Variants in MTCL1 observed in about 807,000 individuals in gnomAD.
MTCL1 encodes the protein microtubule cross-linking factor 1.
In MTCL1, 79 loss-of-function variants were observed where a neutral mutation model predicts 141.4. The observed-to-expected ratio is 0.56, with a 90% CI of 0.47 to 0.67. The LOEUF (loss-of-function observed/expected upper bound fraction) is 0.67. Ranked by LOEUF, MTCL1 falls within the 30% of genes least tolerant of loss-of-function variation. The probability of loss-of-function intolerance (pLI) is 0.00; values close to 1 mark genes in which losing one functional copy is unlikely to be tolerated. For synonymous variants in MTCL1, 914 were observed against 875.8 expected (o/e 1.04, Z -0.77); for missense variants, 2,177 against 2,113.9 (o/e 1.03, Z -0.59).
At chr18:8,732,288 T>TA (rs2096254734) in intron 4 of MTCL1, among the ~76,000 whole-genome samples, 1 of 151,990 alleles carries the variant, frequency 6.6e-6, no homozygotes, top group African/African-American at 2.4e-5. Context: ...TTTATTTATT[T>TA]TTTAGTAGAG....
intron 4 of MTCL1, among the ~76,000 whole-genome samples, chr18:8,758,329 A>C (rs1174572280): frequency 1.3e-5 from 2 of 151,872 alleles, no homozygotes; most frequent in Admixed American, 1.3e-4. Context: ...GGCCACACCC[A>C]CTCTTCTAAT....
chr18:8,811,312 G>T (rs1336240984), intron 11 of MTCL1: 3 of 152,138 alleles, frequency 2.0e-5, no homozygotes, highest in Non-Finnish European at 4.4e-5. Context: ...AATAATAGAG[G>T]GAGAGGTTAC....
intron 9 of MTCL1, 101 bp from the exon 9 acceptor site, chr18:8,797,996 A>T: frequency 8.3e-7 from 1 of 1,210,012 alleles, no homozygotes; most frequent in Non-Finnish European, 1.1e-6. Flanking sequence ...ATAGGCGTTG[A>T]TAATCCATAA....
At chr18:8,714,550 G>C (rs762705348), upstream of MTCL1, among the ~76,000 whole-genome samples, 1 of 152,160 alleles carries the variant, frequency 6.6e-6, no homozygotes, top group African/African-American at 2.4e-5. Flanking sequence ...CAAAGGAGGA[G>C]CAAAGACACA....
At chr18:8,707,824 T>A (rs1202124678) in intron 1 of MTCL1, among the ~76,000 whole-genome samples, 2 of 152,182 alleles carry the variant, frequency 1.3e-5, no homozygotes, top group Non-Finnish European at 2.9e-5. Flanking sequence ...TTAAGGTGCA[T>A]GGTGGTGAAG....
chr18:8,819,315 G>A (rs1286043720), intron 13 of MTCL1, 56 bp downstream of exon 12: 7 of 1,577,752 alleles, frequency 4.4e-6, no homozygotes, highest in Non-Finnish European at 6.0e-6. Flanking sequence ...GAGCCGTCAT[G>A]AAACCTAAGA....
intron 10 of MTCL1, among the ~76,000 whole-genome samples, chr18:8,806,515 T>G (rs1178311615): frequency 6.6e-6 from 1 of 152,154 alleles, no homozygotes; most frequent in African/African-American, 2.4e-5. Context: ...CAGCCCTGGC[T>G]TTGGGGTTCC....
At chr18:8,821,623 G>T in intron 14 of MTCL1, 125 bp downstream of exon 13, 2 of 522,334 alleles carry the variant, frequency 3.8e-6, no homozygotes, top group Non-Finnish European at 3.5e-6. Flanking sequence ...TGCCACTTCT[G>T]AAGAAGTGGC....
At chr18:8,759,574 G>A (rs1374838274) in intron 4 of MTCL1, among the ~76,000 whole-genome samples, 1 of 152,168 alleles carries the variant, frequency 6.6e-6, no homozygotes, top group African/African-American at 2.4e-5. Context: ...GTTCTCACTT[G>A]TCACAACCCA....
At chr18:8,819,120 G>A (rs975346690) in exon 13 of MTCL1, 18 of 1,614,228 alleles carry the variant, frequency 1.1e-5, no homozygotes, top group South Asian at 2.2e-5. Flanking sequence ...TTTGAAGACC[G>A]GCCGCTGTCC....
intron 5 of MTCL1, 24 bp downstream of exon 4, chr18:8,777,916 TG>T (rs752144460): frequency 6.2e-7 from 1 of 1,604,854 alleles, no homozygotes; most frequent in East Asian, 2.2e-5. Context: ...TTCATTCTAA[TG>T]TTACATCTCC....
At chr18:8,714,360 C>T (rs558708556), upstream of MTCL1, among the ~76,000 whole-genome samples, 13 of 152,228 alleles carry the variant, frequency 8.5e-5, no homozygotes, top group South Asian at 2.7e-3. Context: ...GACGCCTGTT[C>T]TGTAAATTTA....
chr18:8,713,912 C>T (rs1271002762), upstream of MTCL1, among the ~76,000 whole-genome samples: 1 of 152,146 alleles, frequency 6.6e-6, no homozygotes, highest in Admixed American at 6.5e-5. Context: ...CACTGCGCTC[C>T]AGGTTGGGTC....
chr18:8,815,572 A>T (rs2076626552), intron 12 of MTCL1, among the ~76,000 whole-genome samples: 2 of 151,852 alleles, frequency 1.3e-5, no homozygotes, highest in African/African-American at 4.8e-5. Context: ...TACATATGCA[A>T]CTAACCTGCA....
At chr18:8,771,834 G>A in intron 4 of MTCL1, among the ~76,000 whole-genome samples, 1 of 152,248 alleles carries the variant, frequency 6.6e-6, no homozygotes, top group East Asian at 1.9e-4. Flanking sequence ...AGGCTAAAAG[G>A]AGGGAGTAGA....
chr18:8,830,289 C>T lies in MTCL1; in HGVS notation c.*19-1318C>T. The T allele has an allele frequency of 1.0e-6, 1 of 985,462 alleles. No homozygotes were observed. The highest frequency in any genetic ancestry group is 1.2e-6 in the Non-Finnish European group (1 of 829,984). 61.0% of individuals were successfully genotyped at this position (985,462 alleles called of 1,614,324 possible). ...TAGCATAATGCTTTGGGAACAGAAG[C>T]TTCTCCCTGTGGCCGTATGAAGTTC... On this transcript the variant is annotated intron_variant, in intron 16 of 16. Coordinates refer to ENST00000359865, the Ensembl canonical transcript of MTCL1. This position sits in a 1 kb window ranked among gnomAD's most constrained non-coding sequence, Gnocchi z 6.4.
At position 8,806,888 on chromosome 18, in the gene MTCL1, C is replaced by T. The variant is rs369525447; in HGVS notation, c.2437-5C>T. 104 of 1,612,314 alleles carry T rather than the reference C, an allele frequency of 6.5e-5. No individual in the cohort carries two copies. Among genetic ancestry groups the T allele is most frequent in the Non-Finnish European group, 8.6e-5 (101 of 1,179,586 alleles). On this transcript the variant is annotated splice_region_variant and splice_polypyrimidine_tract_variant and intron_variant, in intron 10 of 16. Coordinates refer to ENST00000359865, the Ensembl canonical transcript of MTCL1. The stretch of plus-strand genomic sequence containing the variant: ...GTGGTGGAGCCTGACTCAGTGTTCC[C>T]GCAGGTGGTGGAAAACCAGCAGCTG...
At chr18:8,715,752 TA>T (rs766651172), upstream of MTCL1, among the ~76,000 whole-genome samples, 12 of 152,236 alleles carry the variant, frequency 7.9e-5, no homozygotes, top group Non-Finnish European at 1.3e-4. Context: ...AGGCTCATTT[TA>T]AAGCTTTCAG....
chr18:8,765,961 C>A lies in MTCL1; in HGVS notation c.358-11872C>A, dbSNP rs549768800. Reference sequence around the variant, plus strand: ...TGATTGCACAAATGGATCTAGACAGCCCCAGGAGGAGCCATCCCGACACAA... The same window carrying A: ...TGATTGCACAAATGGATCTAGACAGACCCAGGAGGAGCCATCCCGACACAA... On this transcript the variant is annotated intron_variant, in intron 4 of 16. Transcript: ENST00000359865. 9.8e-4 allele frequency among the ~76,000 whole-genome samples: 149 copies of A among 152,284 alleles called. 1 individual carries two copies. The highest frequency in any genetic ancestry group is 1.2e-3 in the Non-Finnish European group (85 of 68,018).
Sources: allele counts gnomAD v4.1 joint callset (sites outside exome capture counted in the v4.1 genomes callset), GRCh38; gene constraint gnomAD v4.1.1; non-coding constraint Gnocchi (gnomAD v3.1); transcripts MANE v1.5; gene names NCBI Gene and HGNC (gene_info 2026-07-23, HGNC 2026-07-21).